MASP1: variants seen among roughly 807,000 people sequenced by gnomAD.
The protein encoded by MASP1 is mannan-binding lectin serine protease 1.
In MASP1, 59 loss-of-function variants were observed where a neutral mutation model predicts 77.1. The ratio of observed to expected loss-of-function variants is 0.77; its 90% CI spans 0.62 to 0.95. The LOEUF (loss-of-function observed/expected upper bound fraction) is 0.95, where lower values mean the gene tolerates loss of function less well. Among genes scored for constraint, MASP1 ranks in the 40% least tolerant of loss-of-function variants. The pLI, the probability that MASP1 is intolerant of heterozygous loss-of-function variation, is 0.00. For synonymous variants in MASP1, 362 were observed against 354.5 expected, an observed-to-expected ratio of 1.02 and a Z score of -0.24; for missense variants, 885 against 912.9, an observed-to-expected ratio of 0.97 and a Z score of 0.39.
Position 187,236,224 on chromosome 3 carries a change from G to C in MASP1, c.1647C>G (p.Asn549Lys), listed in dbSNP as rs910324650. ...GCACCAGAGCTATATCGTGGTTGTA[G>C]TTTTGGATGTTGAAGTCTGGGTGGA... The part of the protein sequence containing the change: ...VVLHPDFNIQ[N>K]YNHDIALVQL... The change falls in exon 11 of 11, where the codon AAC (asparagine) becomes AAG (lysine). Residue 549 changes from asparagine (N) to lysine (K), a missense_variant. Coordinates refer to ENST00000296280, the MANE Select transcript of MASP1 (RefSeq NM_139125.4). 2 of 1,614,256 alleles carry C rather than the reference G, an allele frequency of 1.2e-6. No homozygotes were observed. Among genetic ancestry groups the C allele is most frequent in the Non-Finnish European group, 1.7e-6 (2 of 1,180,050 alleles).
At chr3:187,287,726 G>A (rs1295480457) in intron 1 of MASP1, among the ~76,000 whole-genome samples, 1 of 152,308 alleles carries the variant, frequency 6.6e-6, no homozygotes, top group African/African-American at 2.4e-5. Context: ...CTGAGTCTTA[G>A]ATAGCCTAAA....
chr3:187,220,274 G>C (rs1448541883), intron 15 of MASP1: 64 of 1,613,084 alleles, frequency 4.0e-5, no homozygotes, highest in Non-Finnish European at 5.2e-5. Context: ...AGGTGAAAAA[G>C]AGACATAGAT....
At chr3:187,221,490 T>C (rs1045710284) in intron 14 of MASP1, among the ~76,000 whole-genome samples, 2 of 152,236 alleles carry the variant, frequency 1.3e-5, no homozygotes, top group Non-Finnish European at 2.9e-5. Context: ...GGTTTTCTTT[T>C]GTCTCACCCC....
chr3:187,267,083 C>G (rs544457796), intron 2 of MASP1, among the ~76,000 whole-genome samples: 49 of 152,288 alleles, frequency 3.2e-4, no homozygotes, highest in African/African-American at 1.2e-3. Context: ...AATTGAAGCC[C>G]AGATAATTTG....
chr3:187,247,112 G>T, intron 8 of MASP1: 3 of 1,426,130 alleles, frequency 2.1e-6, no homozygotes, highest in Admixed American at 2.9e-5. Context: ...ATTATTTTCT[G>T]GAATAGTGTT....
rs755773806 is a variant in MASP1, at chr3:187,235,701, G to C, written c.2170C>G (p.Pro724Ala). 6.2e-7 allele frequency: 1 copy of C among 1,614,146 alleles called. No homozygotes were observed. Among genetic ancestry groups the C allele is most frequent in the Non-Finnish European group, 8.5e-7 (1 of 1,180,008 alleles). ...AAGTCAGCTCACCGTTCCACCTGGG[G>C]CTCCACAACACTTTGTGGTAAGCCC... Reference protein sequence around the residue: ...QMGLPQSVVEPQVER With the variant: ...QMGLPQSVVEAQVER The change falls in exon 11 of 11, where the codon CCC becomes GCC. Residue 724 changes from proline to alanine, a missense_variant. Transcript: ENST00000296280.
chr3:187,253,135 C>A, intron 6 of MASP1, 33 bp downstream of exon 6: 1 of 1,612,634 alleles, frequency 6.2e-7, no homozygotes, highest in Non-Finnish European at 8.5e-7. Context: ...CTAAGCACAG[C>A]AGCTCGGTGT....
At chr3:187,228,967 G>A (rs1260326629) in intron 11 of MASP1, among the ~76,000 whole-genome samples, 1 of 152,240 alleles carries the variant, frequency 6.6e-6, no homozygotes, top group East Asian at 1.9e-4. Flanking sequence ...GTGGGGCAGA[G>A]TGAGAGGCAT....
At chr3:187,229,791 A>G (rs1454865230), downstream of MASP1, 1 of 1,614,062 alleles carries the variant, frequency 6.2e-7, no homozygotes, top group East Asian at 2.2e-5. Context: ...AGGGCTGCCC[A>G]TTCAGGTGTG....
At chr3:187,268,542 A>AAT (rs1369686118) in intron 2 of MASP1, among the ~76,000 whole-genome samples, 62 of 145,176 alleles carry the variant, frequency 4.3e-4, no homozygotes, top group African/African-American at 1.3e-3. Context: ...AAGAAAAGAA[A>AAT]AGAAAATAGA....
chr3:187,271,564 C>T (rs1407177609), intron 2 of MASP1, among the ~76,000 whole-genome samples: 1 of 151,972 alleles, frequency 6.6e-6, no homozygotes, highest in Non-Finnish European at 1.5e-5. Context: ...ATAATTATAC[C>T]TATGTTGAAA....
chr3:187,241,672 G>A, intron 9 of MASP1, 117 bp from the exon 10 acceptor site: 2 of 734,770 alleles, frequency 2.7e-6, no homozygotes, highest in South Asian at 2.9e-5. Flanking sequence ...TCCTCCAAAT[G>A]GTCATCTAGG....
rs1713010872 is a variant in MASP1 at position 187,234,868 on chromosome 3, G to A, written c.*816C>T. On this transcript the variant is annotated 3_prime_UTR_variant, in exon 11 of 11. Coordinates refer to ENST00000296280, the MANE Select transcript of MASP1 (RefSeq NM_139125.4). ...CTGAAAGATTGCTTTGTGCTTGTCT[G>A]GAGCAGCAGGTGTGGACGCCCATGG... is the stretch of plus-strand genomic sequence containing the variant. 1 of 1,287,218 alleles carries A rather than the reference G, an allele frequency of 7.8e-7. No individual in the cohort carries two copies. The highest frequency in any genetic ancestry group is 1.0e-6 in the Non-Finnish European group (1 of 988,686). 79.7% of individuals were successfully genotyped at this position (1,287,218 alleles called of 1,614,324 possible). A position where few individuals can be genotyped will look rare whatever the true frequency, so the allele number is the denominator to read the frequency against.
At chr3:187,263,173 C>T (rs550442011) in intron 2 of MASP1, 1 of 230,574 alleles carries the variant, frequency 4.3e-6, no homozygotes, top group Non-Finnish European at 8.6e-6. Context: ...GAGAGATAGA[C>T]ACAGTGCTGT....
intron 4 of MASP1, among the ~76,000 whole-genome samples, chr3:187,259,049 T>A (rs1189172125): frequency 2.0e-5 from 3 of 152,234 alleles, no homozygotes; most frequent in Non-Finnish European, 4.4e-5. Flanking sequence ...AGTGCAGGAA[T>A]TCTGCTTCGT....
intron 14 of MASP1, among the ~76,000 whole-genome samples, chr3:187,222,671 T>C (rs1264479863): frequency 6.7e-6 from 1 of 149,718 alleles, no homozygotes; most frequent in Non-Finnish European, 1.5e-5. Context: ...TCCTTACTTT[T>C]AGTTAAGTGT....
chr3:187,285,861 C>T lies in MASP1; in HGVS notation c.201G>A (p.Leu67=). ...RIKLYFMHFN[L]ESSYLCEYDY... Reference sequence around the variant, plus strand: ...CATATTCACAAAGGTAGGAGGATTCCAAGTTGAAGTGCATGAAGTAAAGCT... The same window carrying T: ...CATATTCACAAAGGTAGGAGGATTCTAAGTTGAAGTGCATGAAGTAAAGCT... The change falls in exon 2 of 11, where the codon TTG becomes TTA. Residue 67 remains leucine (L), a synonymous_variant. Coordinates refer to ENST00000296280, the MANE Select transcript of MASP1 (RefSeq NM_139125.4). The T allele has an allele frequency of 6.2e-7, 1 of 1,614,134 alleles. No individual in the cohort carries two copies. The highest frequency in any genetic ancestry group is 8.5e-7 in the Non-Finnish European group (1 of 1,180,018).
chr3:187,241,546 G>GTA lies in MASP1; in HGVS notation c.1236_1237dup (p.Thr413IlefsTer10), dbSNP rs1713640339. The GTA allele has an allele frequency of 1.2e-6, 2 of 1,612,486 alleles. No individual in the cohort carries two copies. Among genetic ancestry groups the GTA allele is most frequent in the Non-Finnish European group, 1.7e-6 (2 of 1,178,570 alleles). On this transcript the variant is annotated frameshift_variant, in exon 10 of 11. Coordinates refer to ENST00000296280, the MANE Select transcript of MASP1 (RefSeq NM_139125.4). LOFTEE classifies it high-confidence loss of function. ...CATCCAGACTCCTTGGGCAGAACAGGTATATATACCTGGATTAGTGAAAGA... is the reference window on the plus strand; with the variant it reads ...CATCCAGACTCCTTGGGCAGAACAGGTATATATATACCTGGATTAGTGAAAGA...
intron 4 of MASP1, among the ~76,000 whole-genome samples, chr3:187,260,323 T>C (rs1715453493): frequency 6.6e-6 from 1 of 152,214 alleles, no homozygotes; most frequent in South Asian, 2.1e-4. Flanking sequence ...TGCTTTGGAC[T>C]GAGGTCTCTC....
Sources: allele counts gnomAD v4.1 joint callset (sites outside exome capture counted in the v4.1 genomes callset), GRCh38; gene constraint gnomAD v4.1.1; transcripts MANE v1.5; gene names NCBI Gene and HGNC (gene_info 2026-07-23, HGNC 2026-07-21).